Variants in PECR observed in about 807,000 individuals in gnomAD.
The protein encoded by PECR is peroxisomal trans-2-enoyl-CoA reductase.
PECR carries 30 observed loss-of-function variants against 35.3 expected under a neutral mutation model. The observed-to-expected ratio is 0.85, with a 90% CI of 0.64 to 1.15. The LOEUF (loss-of-function observed/expected upper bound fraction) is 1.15. PECR is among the 50% of genes most tolerant of loss of function. PECR has a pLI of 0.00. For missense variants in PECR, 392 were observed against 370.8 expected, an observed-to-expected ratio of 1.06 and a Z score of -0.47; for synonymous variants, 148 against 138.9, an observed-to-expected ratio of 1.07 and a Z score of -0.46.
At chr2:216,047,261 G>GA (rs11396724) in intron 6 of PECR, among the ~76,000 whole-genome samples, 101,218 of 142,238 alleles carry the variant, frequency 0.71, 35,746 homozygotes, top group African/African-American at 0.76. Context: ...TTCGTCTCAG[G>GA]AAAAAAAAAA....
At chr2:216,062,758 C>T (rs921085331) in intron 3 of PECR, among the ~76,000 whole-genome samples, 6 of 152,172 alleles carry the variant, frequency 3.9e-5, no homozygotes, top group African/African-American at 7.2e-5. Context: ...AACAATGTTT[C>T]GGTCAAAAAC....
chr2:216,062,250 T>C (rs1695371126), intron 3 of PECR, among the ~76,000 whole-genome samples: 1 of 152,088 alleles, frequency 6.6e-6, no homozygotes, highest in African/African-American at 2.4e-5. Context: ...TTCCCCATGT[T>C]GGCCAGGCTG....
intron 7 of PECR, among the ~76,000 whole-genome samples, chr2:216,031,134 T>C (rs1030000309): frequency 2.0e-5 from 3 of 151,944 alleles, no homozygotes; most frequent in African/African-American, 4.8e-5. Context: ...AGGCCAGACA[T>C]GGTGGTTCAC....
chr2:216,056,339 C>T (rs1398220084), intron 4 of PECR, among the ~76,000 whole-genome samples: 1 of 152,088 alleles, frequency 6.6e-6, no homozygotes, highest in Non-Finnish European at 1.5e-5. Context: ...TTGTAAATTA[C>T]AACACAATGC....
At chr2:216,039,485 G>A (rs1393665710) in intron 7 of PECR, 125 bp from the exon 8 acceptor site, 3 of 705,316 alleles carry the variant, frequency 4.3e-6, no homozygotes, top group Non-Finnish European at 7.9e-6. Context: ...TAAATCCTTA[G>A]GGCAAACATT....
At chr2:216,039,564 T>A (rs1694853161) in intron 7 of PECR, among the ~76,000 whole-genome samples, 1 of 152,250 alleles carries the variant, frequency 6.6e-6, no homozygotes, top group Admixed American at 6.5e-5. Context: ...GGCACATGTC[T>A]CTTCCTGAGC....
At chr2:216,039,598 G>T (rs1369649080) in intron 7 of PECR, among the ~76,000 whole-genome samples, 1 of 152,186 alleles carries the variant, frequency 6.6e-6, no homozygotes, top group African/African-American at 2.4e-5. Flanking sequence ...TCTATTAAAG[G>T]ATACAACAAT....
At chr2:216,061,303 C>A (rs1333300863) in intron 3 of PECR, among the ~76,000 whole-genome samples, 1 of 80,938 alleles carries the variant, frequency 1.2e-5, no homozygotes, top group Admixed American at 2.1e-4. Flanking sequence ...CAGAGTGAAA[C>A]CCTGTCTCAA....
At chr2:216,077,622 C>T (rs978062894) in intron 1 of PECR, among the ~76,000 whole-genome samples, 67 of 152,076 alleles carry the variant, frequency 4.4e-4, no homozygotes, top group African/African-American at 1.3e-3. Context: ...CCTGGGCAAA[C>T]ATGGTGAAAC....
intron 6 of PECR, among the ~76,000 whole-genome samples, chr2:216,047,460 A>C (rs1695018096): frequency 6.6e-6 from 1 of 152,166 alleles, no homozygotes; most frequent in Non-Finnish European, 1.5e-5. Flanking sequence ...TAGGGAGTCT[A>C]ATTTATTACT....
Sources: gnomAD v4.1 joint callset for allele counts (sites outside exome capture counted in the v4.1 genomes callset) on GRCh38, gnomAD v4.1.1 for gene constraint, MANE v1.5 for transcripts, NCBI Gene and HGNC (gene_info 2026-07-23, HGNC 2026-07-21) for gene names.